The following JADE2 variants were observed in gnomAD, a reference collection of about 807,000 sequenced individuals.
JADE2 encodes the protein E3 ubiquitin-protein ligase Jade-2.
JADE2 carries 13 observed loss-of-function variants against 85.7 expected under a neutral mutation model. That is an observed-to-expected ratio of 0.15 (90% confidence interval 0.10 to 0.24). The LOEUF is 0.24. Ranked by LOEUF, JADE2 falls within the 10% of genes least tolerant of loss-of-function variation. The pLI is 1.00. For missense variants in JADE2, 846 were observed against 1,115.9 expected (o/e 0.76, Z 3.45); for synonymous variants, 440 against 456.1 (o/e 0.96, Z 0.45).
chr5:134,572,319 G>A (rs1472144440), intron 9 of JADE2, among the ~76,000 whole-genome samples: 1 of 152,254 alleles, frequency 6.6e-6, no homozygotes, highest in East Asian at 1.9e-4. Context: ...GCCACGGAGA[G>A]TCCATGCAGA....
At chr5:134,565,826 CA>C (rs67913190) in intron 8 of JADE2, among the ~76,000 whole-genome samples, 47 of 141,666 alleles carry the variant, frequency 3.3e-4, no homozygotes, top group East Asian at 1.9e-3. Context: ...GACTCTGTCT[CA>C]AAAAAAAAAA....
At chr5:134,563,311 GT>G (rs1319717910) in intron 7 of JADE2, among the ~76,000 whole-genome samples, 1 of 142,534 alleles carries the variant, frequency 7.0e-6, no homozygotes, top group Non-Finnish European at 1.6e-5. Flanking sequence ...GAATGAGACT[GT>G]TTAAAAAAAA....
upstream of JADE2, among the ~76,000 whole-genome samples, chr5:134,524,756 C>G (rs1028221777): frequency 6.6e-6 from 1 of 152,206 alleles, no homozygotes; most frequent in Non-Finnish European, 1.5e-5. Context: ...CGGACCGCCC[C>G]TCTTTTCTTG....
intron 1 of JADE2, chr5:134,533,428 T>A (rs1253361067): frequency 2.0e-6 from 1 of 492,474 alleles, no homozygotes; most frequent in Non-Finnish European, 2.6e-6. Context: ...CTCTGGGAGG[T>A]ATGTCTTTCC....
At chr5:134,530,799 A>G (rs1419467739) in intron 1 of JADE2, among the ~76,000 whole-genome samples, 1 of 152,106 alleles carries the variant, frequency 6.6e-6, no homozygotes, top group African/African-American at 2.4e-5. Flanking sequence ...AAGACGGGGA[A>G]GGCAGGCTGT....
chr5:134,566,682 A>C lies in JADE2; in HGVS notation c.1434+102A>C. The C allele has an allele frequency of 1.1e-6, 1 of 899,350 alleles. No individual in the cohort carries two copies. Among genetic ancestry groups the C allele is most frequent in the Non-Finnish European group, 1.6e-6 (1 of 606,204 alleles). The allele number at this position is 899,350 out of a possible 1,614,324, so 55.7% of individuals were successfully genotyped here. Reference sequence around the variant, plus strand: ...GAGCAGCTAGGACTCACCAGGACTCAAACTGTGAGCTCTGGTGGACCGGCC... The same window carrying C: ...GAGCAGCTAGGACTCACCAGGACTCCAACTGTGAGCTCTGGTGGACCGGCC... On this transcript the variant is annotated intron_variant, in intron 9 of 11. Transcript: ENST00000681547. This position sits in a 1 kb window ranked among gnomAD's most constrained non-coding sequence, Gnocchi z 6.7.
rs1763667556 is a variant in JADE2 at position 134,566,749 on chromosome 5, C to T, written c.1434+169C>T. Among the ~76,000 whole-genome samples the T allele has an allele frequency of 6.6e-6, 1 of 152,170 alleles. No individual in the cohort carries two copies. The highest frequency in any genetic ancestry group is 6.5e-5 in the Admixed American group (1 of 15,282). On this transcript the variant is annotated intron_variant, in intron 9 of 11. Coordinates refer to ENST00000681547, the MANE Select transcript of JADE2 (RefSeq NM_001388185.1). The surrounding 1 kb of genome is among the most constrained non-coding windows in gnomAD (Gnocchi z 6.7). Reference sequence around the variant, plus strand: ...CCAAGGGGCTGAGGGCTTTCAGGTCCCAAAGAGTATGGGGGTGACTGACAC... The same window carrying T: ...CCAAGGGGCTGAGGGCTTTCAGGTCTCAAAGAGTATGGGGGTGACTGACAC...
chr5:134,547,903 A>C (rs1204922080), intron 3 of JADE2, among the ~76,000 whole-genome samples: 1 of 152,192 alleles, frequency 6.6e-6, no homozygotes, highest in Non-Finnish European at 1.5e-5. Context: ...GGAGATTCTA[A>C]CACAGGGGCC....
intron 7 of JADE2, chr5:134,564,198 A>G (rs886248927): frequency 3.8e-6 from 1 of 261,070 alleles, no homozygotes. Context: ...TTAAGCACAT[A>G]CACACAGTCA....
chr5:134,567,914 G>C (rs139444499), intron 9 of JADE2, among the ~76,000 whole-genome samples: 196 of 152,324 alleles, frequency 1.3e-3, no homozygotes, highest in African/African-American at 4.4e-3. Flanking sequence ...CTACATTGCA[G>C]CCACCACCTC....
chr5:134,526,310 T>A, intron 1 of JADE2: 1 of 985,096 alleles, frequency 1.0e-6, no homozygotes, highest in Non-Finnish European at 1.2e-6. Context: ...CCTTCTTTAT[T>A]AATGACTGCG....
chr5:134,560,943 G>T lies in JADE2; in HGVS notation c.670G>T (p.Val224Phe). 1 of 1,613,328 alleles carries T rather than the reference G, an allele frequency of 6.2e-7. No individual in the cohort carries two copies. Among genetic ancestry groups the T allele is most frequent in the Non-Finnish European group, 8.5e-7 (1 of 1,179,424 alleles). Residue 224 changes from valine to phenylalanine, a missense_variant, in exon 6 of 12, where the codon GTC (valine) becomes TTC (phenylalanine). Transcript: ENST00000681547. Reference sequence around the variant, plus strand: ...GATGGTCTTCTGTGACAAGTGCAACGTCTGTGTGCATCAGGTGGGCAGACC... The same window carrying T: ...GATGGTCTTCTGTGACAAGTGCAACTTCTGTGTGCATCAGGTGGGCAGACC... ...NEMVFCDKCNVCVHQACYGIL... is the reference protein window; with the variant it reads ...NEMVFCDKCNFCVHQACYGIL...
chr5:134,572,120 G>T (rs927505401), intron 9 of JADE2, among the ~76,000 whole-genome samples: 28 of 152,284 alleles, frequency 1.8e-4, no homozygotes, highest in African/African-American at 6.5e-4. Context: ...CTGGTTGGAA[G>T]GTGGTTTTCA....
upstream of JADE2, among the ~76,000 whole-genome samples, chr5:134,525,159 G>A (rs1208218489): frequency 6.7e-6 from 1 of 150,232 alleles, no homozygotes; most frequent in Non-Finnish European, 1.5e-5. Flanking sequence ...TTAAGTATAA[G>A]CTCGCTTTTT....
At position 134,560,829 on chromosome 5, in the gene JADE2, A is replaced by G; in HGVS notation, c.556A>G (p.Ile186Val). The change falls in exon 6 of 12, where the codon ATT becomes GTT. Residue 186 changes from isoleucine (I) to valine (V), a missense_variant. This residue lies in a region of JADE2 where 129 missense variants were observed against 255.4 expected (regional missense o/e 0.51). Transcript: ENST00000681547. Reference protein sequence around the residue: ...TLCHQNMARAIETQEGLGIEY... With the variant: ...TLCHQNMARAVETQEGLGIEY... ...GTGCCACCAGAATATGGCCAGGGCC[A>G]TTGAGACGCAGGAGGGGCTGGGCAT... The G allele has an allele frequency of 6.2e-7, 1 of 1,614,172 alleles. No homozygotes were observed. The highest frequency in any genetic ancestry group is 8.5e-7 in the Non-Finnish European group (1 of 1,180,016).
chr5:134,538,174 C>A, intron 3 of JADE2, 91 bp downstream of exon 3: 1 of 1,043,960 alleles, frequency 9.6e-7, no homozygotes, highest in Non-Finnish European at 1.5e-6. Context: ...GCAGAGGGCA[C>A]GGGCAGTGCA....
At chr5:134,559,713 TG>T in intron 4 of JADE2, 116 bp from the exon 5 acceptor site, 2 of 967,996 alleles carry the variant, frequency 2.1e-6, no homozygotes, top group Non-Finnish European at 3.0e-6. Context: ...GGGCCCTGTG[TG>T]GTGTCAAAGC....
At chr5:134,535,376 A>C (rs992584076) in intron 1 of JADE2, among the ~76,000 whole-genome samples, 1 of 152,072 alleles carries the variant, frequency 6.6e-6, no homozygotes, top group Non-Finnish European at 1.5e-5. Flanking sequence ...CTAGGCCCTC[A>C]GTGTTTTCTG....
At position 134,581,621 on chromosome 5, in the gene JADE2, C is replaced by G. The variant is rs1764714654; in HGVS notation, c.*2304C>G. Reference sequence around the variant, plus strand: ...CCCTTGCCTCGGGCTGGCTGGTGTTCTTCCAAGAGCCTCTGCTCACATTGT... The same window carrying G: ...CCCTTGCCTCGGGCTGGCTGGTGTTGTTCCAAGAGCCTCTGCTCACATTGT... On this transcript the variant is annotated 3_prime_UTR_variant, in exon 12 of 12. Transcript: ENST00000681547. 1 of 152,906 alleles carries G rather than the reference C, an allele frequency of 6.5e-6. No individual in the cohort carries two copies. Among genetic ancestry groups the G allele is most frequent in the South Asian group, 2.1e-4 (1 of 4,844 alleles). The allele number at this position is 152,906 out of a possible 1,614,324, so 9.5% of individuals were successfully genotyped here. A position where few individuals can be genotyped will look rare whatever the true frequency, so the allele number is the denominator to read the frequency against.
Sources: gnomAD v4.1 joint callset for allele counts (sites outside exome capture counted in the v4.1 genomes callset) on GRCh38, gnomAD v4.1.1 for gene constraint, gnomAD v4.1.1 regional missense constraint, Gnocchi (gnomAD v3.1) non-coding constraint, MANE v1.5 for transcripts, NCBI Gene and HGNC (gene_info 2026-07-23, HGNC 2026-07-21) for gene names.